The following RNF31 variants were observed in gnomAD, a reference collection of about 807,000 sequenced individuals.
RNF31 encodes E3 ubiquitin-protein ligase RNF31.
A neutral mutation model predicts 133.6 loss-of-function variants in RNF31; 38 were observed. The ratio of observed to expected loss-of-function variants is 0.28; its 90% CI spans 0.22 to 0.37. The LOEUF (loss-of-function observed/expected upper bound fraction) is 0.37, where lower values mean the gene tolerates loss of function less well. RNF31 is among the 10% of genes least tolerant of loss of function. RNF31 has a pLI of 1.00. For synonymous variants in RNF31, 582 were observed against 552.3 expected (o/e 1.05, Z -0.75); for missense variants, 1,118 against 1,394.1 (o/e 0.80, Z 3.15).
Position 24,160,653 on chromosome 14 carries a change from C to A in RNF31, c.*80C>A. The A allele has an allele frequency of 9.0e-7, 1 of 1,108,564 alleles. No individual in the cohort carries two copies. Among genetic ancestry groups the A allele is most frequent in the Non-Finnish European group, 1.2e-6 (1 of 821,896 alleles). The allele number at this position is 1,108,564 out of a possible 1,614,324, so 68.7% of individuals were successfully genotyped here. ...CCAGCACCAATAAAGAGGCATCTTA[C>A]CACCCAGGCTTCTTGGTGGTCCTTC... On this transcript the variant is annotated 3_prime_UTR_variant, in exon 21 of 21. Transcript: ENST00000324103. This position sits in a 1 kb window ranked among gnomAD's most constrained non-coding sequence, Gnocchi z 4.0.
rs1236210963 is a variant in RNF31 at position 24,155,720 on chromosome 14, A to G, written c.2493+28A>G. 7 of 1,590,626 alleles carry G rather than the reference A, an allele frequency of 4.4e-6. No homozygotes were observed. Among genetic ancestry groups the G allele is most frequent in the Middle Eastern group, 1.7e-4 (1 of 6,024 alleles). On this transcript the variant is annotated intron_variant, in intron 14 of 20. Coordinates refer to ENST00000324103, the MANE Select transcript of RNF31 (RefSeq NM_017999.5). The surrounding 1 kb of genome is among the most constrained non-coding windows in gnomAD (Gnocchi z 4.9). Reference sequence around the variant, plus strand: ...GAGGCACATTCATCCTTTCAGAAATACTTGCTGAGCTACTGCCAGGTACTG... The same window carrying G: ...GAGGCACATTCATCCTTTCAGAAATGCTTGCTGAGCTACTGCCAGGTACTG...
At chr14:24,152,938 A>G (rs7158286) in intron 11 of RNF31, among the ~76,000 whole-genome samples, 94,689 of 151,866 alleles carry the variant, frequency 0.62, 31,798 homozygotes, top group African/African-American at 0.87. Flanking sequence ...AAAATTAGCC[A>G]GGTGTGGTGG....
At position 24,155,427 on chromosome 14, in the gene RNF31, T is replaced by G; in HGVS notation, c.2318T>G (p.Leu773Arg). Residue 773 changes from leucine to arginine, a missense_variant, in exon 13 of 21, where the codon CTA (leucine) becomes CGA (arginine). This residue lies in a region of RNF31 where 201 missense variants were observed against 371.7 expected (regional missense o/e 0.54). Coordinates refer to ENST00000324103, the MANE Select transcript of RNF31 (RefSeq NM_017999.5). The surrounding 1 kb of genome is among the most constrained non-coding windows in gnomAD (Gnocchi z 4.9). Reference sequence around the variant, plus strand: ...TCCTGTCCCCAGCTTCGCGAGAGCCTAGAGCCAGATGCCTATGCGTTGTTC... The same window carrying G: ...TCCTGTCCCCAGCTTCGCGAGAGCCGAGAGCCAGATGCCTATGCGTTGTTC... ...STLDIQLRES[L>R]EPDAYALFHK... 1.2e-6 allele frequency: 2 copies of G among 1,613,834 alleles called. No homozygotes were observed. The highest frequency in any genetic ancestry group is 1.7e-6 in the Non-Finnish European group (2 of 1,179,862).
chr14:24,153,389 C>T (rs949305796), intron 11 of RNF31, among the ~76,000 whole-genome samples: 7 of 151,798 alleles, frequency 4.6e-5, no homozygotes, highest in Admixed American at 2.0e-4. Context: ...CCATCCTGGT[C>T]GACATGGTGA....
chr14:24,151,040 CAT>C lies in RNF31; in HGVS notation c.1489-88_1489-87del. 1 of 1,565,604 alleles carries C rather than the reference CAT, an allele frequency of 6.4e-7. No homozygotes were observed. Among genetic ancestry groups the C allele is most frequent in the South Asian group, 1.2e-5 (1 of 84,526 alleles). On this transcript the variant is annotated intron_variant, in intron 8 of 20. Coordinates refer to ENST00000324103, the MANE Select transcript of RNF31 (RefSeq NM_017999.5). This position sits in a 1 kb window ranked among gnomAD's most constrained non-coding sequence, Gnocchi z 5.3. ...ATTGCTGTACACTGATGACATGATC[CAT>C]ATGTCTGAGCTGAGCCACTGTCACC...
intron 6 of RNF31, 66 bp from the exon 7 acceptor site, chr14:24,149,995 C>T: frequency 4.6e-6 from 7 of 1,505,758 alleles, no homozygotes; most frequent in Non-Finnish European, 6.2e-6. Flanking sequence ...ATGGAGAATG[C>T]TTAGAGGTGA....
rs769261448 is a variant in RNF31 at position 24,149,593 on chromosome 14, C to T, written c.809+10C>T. 1.2e-6 allele frequency: 2 copies of T among 1,608,594 alleles called. No homozygotes were observed. Among genetic ancestry groups the T allele is most frequent in the Non-Finnish European group, 1.7e-6 (2 of 1,177,370 alleles). On this transcript the variant is annotated intron_variant, in intron 6 of 20. Coordinates refer to ENST00000324103, the MANE Select transcript of RNF31 (RefSeq NM_017999.5). ...CCCACCTGAGCCCCAGGTGAGAGGG[C>T]TTCTCTTCTGGGTGGGAGTGAAATT... is the stretch of plus-strand genomic sequence containing the variant.
In RNF31 at chr14:24,160,600, C is replaced by T; in HGVS notation, c.*27C>T. ...TGAGGGCAAGGGTCCCGATGAGGGT[C>T]CCATGGCCTGCTCCCTCAGGAACAG... On this transcript the variant is annotated 3_prime_UTR_variant, in exon 21 of 21. Coordinates refer to ENST00000324103, the MANE Select transcript of RNF31 (RefSeq NM_017999.5). The surrounding 1 kb of genome is among the most constrained non-coding windows in gnomAD (Gnocchi z 4.0). 3 of 1,500,140 alleles carry T rather than the reference C, an allele frequency of 2.0e-6. No homozygotes were observed. The highest frequency in any genetic ancestry group is 2.3e-5 in the East Asian group (1 of 43,334). 92.9% of individuals were successfully genotyped at this position (1,500,140 alleles called of 1,614,324 possible). A position where few individuals can be genotyped will look rare whatever the true frequency, so the allele number is the denominator to read the frequency against.
Position 24,160,157 on chromosome 14 carries a change from G to T in RNF31, c.2997-82G>T. 13 of 1,493,722 alleles carry T rather than the reference G, an allele frequency of 8.7e-6. No individual in the cohort carries two copies. Among genetic ancestry groups the T allele is most frequent in the Non-Finnish European group, 1.2e-5 (13 of 1,099,994 alleles). 92.5% of individuals were successfully genotyped at this position (1,493,722 alleles called of 1,614,324 possible). A position where few individuals can be genotyped will look rare whatever the true frequency, so the allele number is the denominator to read the frequency against. Reference sequence around the variant, plus strand: ...TGGGTTGTTAATCTTGTTCGTCCAGGTGTCTCAGAGTCCAGCTATGTTAGA... The same window carrying T: ...TGGGTTGTTAATCTTGTTCGTCCAGTTGTCTCAGAGTCCAGCTATGTTAGA... On this transcript the variant is annotated intron_variant, in intron 19 of 20. Transcript: ENST00000324103. The surrounding 1 kb of genome is among the most constrained non-coding windows in gnomAD (Gnocchi z 4.0).
chr14:24,148,464 C>T (rs1269188525), intron 3 of RNF31, 51 bp downstream of exon 3: 25 of 1,612,672 alleles, frequency 1.6e-5, no homozygotes, highest in Non-Finnish European at 2.0e-5. Flanking sequence ...GCTGGGGAGC[C>T]CAGCCTAACT....
At chr14:24,150,573 G>A in intron 7 of RNF31, 25 bp from the exon 8 acceptor site, 1 of 1,595,750 alleles carries the variant, frequency 6.3e-7, no homozygotes, top group Non-Finnish European at 8.6e-7. Flanking sequence ...GCCAGTCAAA[G>A]GGATAATTCT....
chr14:24,155,818 A>T lies in RNF31; in HGVS notation c.2493+126A>T. 3 of 766,144 alleles carry T rather than the reference A, an allele frequency of 3.9e-6. No homozygotes were observed. Among genetic ancestry groups the T allele is most frequent in the Non-Finnish European group, 4.4e-6 (2 of 453,118 alleles). 47.5% of individuals were successfully genotyped at this position (766,144 alleles called of 1,614,324 possible). On this transcript the variant is annotated intron_variant, in intron 14 of 20. Coordinates refer to ENST00000324103, the MANE Select transcript of RNF31 (RefSeq NM_017999.5). The surrounding 1 kb of genome is among the most constrained non-coding windows in gnomAD (Gnocchi z 4.9). ...GCTCTGAGGTCAAAAGAGCTTACAG[A>T]CTACTCAGAAAGACTAGGCACAAGG...
Position 24,150,097 on chromosome 14 carries a change from C to T in RNF31, c.846C>T (p.Thr282=). 6.3e-7 allele frequency: 1 copy of T among 1,597,568 alleles called. No homozygotes were observed. Among genetic ancestry groups the T allele is most frequent in the South Asian group, 1.1e-5 (1 of 90,498 alleles). ...CAGCCCAACCACGGCCCCAGTCGAC[C>T]TCCCTGCTGGCCCTGGGAGACAGCT... ...PASAQPRPQS[T]SLLALGDSSL... Residue 282 remains threonine, a synonymous_variant, in exon 7 of 21, where the codon ACC becomes ACT. Coordinates refer to ENST00000324103, the MANE Select transcript of RNF31 (RefSeq NM_017999.5).
At position 24,155,735 on chromosome 14, in the gene RNF31, G is replaced by T. The variant is rs747189045; in HGVS notation, c.2493+43G>T. 2 of 1,548,426 alleles carry T rather than the reference G, an allele frequency of 1.3e-6. No homozygotes were observed. Among genetic ancestry groups the T allele is most frequent in the Non-Finnish European group, 1.8e-6 (2 of 1,122,074 alleles). The stretch of plus-strand genomic sequence containing the variant: ...TTTCAGAAATACTTGCTGAGCTACT[G>T]CCAGGTACTGTGTTAGACTCAGGGG... On this transcript the variant is annotated intron_variant, in intron 14 of 20. Coordinates refer to ENST00000324103, the MANE Select transcript of RNF31 (RefSeq NM_017999.5). This position sits in a 1 kb window ranked among gnomAD's most constrained non-coding sequence, Gnocchi z 4.9.
intron 5 of RNF31, 127 bp downstream of exon 5, chr14:24,149,003 G>T: frequency 2.1e-6 from 2 of 932,390 alleles, no homozygotes; most frequent in Admixed American, 1.8e-5. Flanking sequence ...TGCTCTTGTT[G>T]CCCAGGCTGG....
chr14:24,151,477 T>C lies in RNF31; in HGVS notation c.1738-8T>C. 1 of 1,614,032 alleles carries C rather than the reference T, an allele frequency of 6.2e-7. No homozygotes were observed. The highest frequency in any genetic ancestry group is 8.5e-7 in the Non-Finnish European group (1 of 1,179,892). ...ACTTCATTCCCCCTTGCCACTCCCA[T>C]CTTGCAGGTGCAGGAGCTCCAGTCT... On this transcript the variant is annotated splice_region_variant and splice_polypyrimidine_tract_variant and intron_variant, in intron 9 of 20. Coordinates refer to ENST00000324103, the MANE Select transcript of RNF31 (RefSeq NM_017999.5). The surrounding 1 kb of genome is among the most constrained non-coding windows in gnomAD (Gnocchi z 5.3).
At chr14:24,147,486 C>T (rs1360900583), upstream of RNF31, 1 of 414,990 alleles carries the variant, frequency 2.4e-6, no homozygotes, top group Non-Finnish European at 4.2e-6. Context: ...GGTCGCAGTC[C>T]CACCCTCTCT....
chr14:24,160,068 T>A lies in RNF31; in HGVS notation c.2996+108T>A. ...TGGGAGCAGTAGGTCTTGCAGTGGG[T>A]GGGAGGGAGGAGGCTTTCTGGGCAA... On this transcript the variant is annotated intron_variant, in intron 19 of 20. Transcript: ENST00000324103. The surrounding 1 kb of genome is among the most constrained non-coding windows in gnomAD (Gnocchi z 4.0). The A allele has an allele frequency of 1.5e-6, 2 of 1,331,330 alleles. No homozygotes were observed. The highest frequency in any genetic ancestry group is 2.1e-6 in the Non-Finnish European group (2 of 952,428). 82.5% of individuals were successfully genotyped at this position (1,331,330 alleles called of 1,614,324 possible). A position where few individuals can be genotyped will look rare whatever the true frequency, so the allele number is the denominator to read the frequency against.
In RNF31 at chr14:24,149,422, C is replaced by T. The variant is rs1452729322; in HGVS notation, c.648C>T (p.Pro216=). 6.2e-7 allele frequency: 1 copy of T among 1,614,040 alleles called. No homozygotes were observed. Among genetic ancestry groups the T allele is most frequent in the Non-Finnish European group, 8.5e-7 (1 of 1,179,914 alleles). Residue 216 remains proline (P), a synonymous_variant, in exon 6 of 21, where the codon CCC becomes CCT. Coordinates refer to ENST00000324103, the MANE Select transcript of RNF31 (RefSeq NM_017999.5). ...TPSVPGSTPG[P]CFLCGSAPGT... ...GCCCTCCAGGCTCCACTCCTGGTCC[C>T]TGCTTCCTCTGTGGTTCTGCCCCAG...
Sources: gnomAD v4.1 joint callset for allele counts (sites outside exome capture counted in the v4.1 genomes callset) on GRCh38, gnomAD v4.1.1 for gene constraint, gnomAD v4.1.1 regional missense constraint, Gnocchi (gnomAD v3.1) non-coding constraint, MANE v1.5 for transcripts, NCBI Gene and HGNC (gene_info 2026-07-23, HGNC 2026-07-21) for gene names.